KRI1: variants seen among roughly 807,000 people sequenced by gnomAD.
The protein encoded by KRI1 is protein KRI1 homolog.
In KRI1, 83 loss-of-function variants were observed where a neutral mutation model predicts 97.0. The ratio of observed to expected loss-of-function variants is 0.86; its 90% CI spans 0.72 to 1.03. The LOEUF is 1.03. Ranked by LOEUF, KRI1 falls within the 50% of genes least tolerant of loss-of-function variation. The pLI, the probability that KRI1 is intolerant of heterozygous loss-of-function variation, is 0.00. For synonymous variants in KRI1, 371 were observed against 363.5 expected (o/e 1.02, Z -0.23); for missense variants, 916 against 928.4 (o/e 0.99, Z 0.17).
rs775357730 is a variant in KRI1, at chr19:10,561,197, T to C, written c.557A>G (p.Gln186Arg). 6.2e-7 allele frequency: 1 copy of C among 1,614,144 alleles called. No homozygotes were observed. The highest frequency in any genetic ancestry group is 1.7e-5 in the Admixed American group (1 of 60,004). ...GAGEGGSSLL[Q>R]KRAKTRQEKA... ...CTCCTGCCTGGTTTTGGCACGTTTC[T>C]GCAGCAAACTGGAGCCGCCCTCCCC... is the stretch of plus-strand genomic sequence containing the variant. The change falls in exon 7 of 19, where the codon CAG becomes CGG. Residue 186 changes from glutamine to arginine, a missense_variant. By Grantham distance (43) the Gln-to-Arg change is conservative (BLOSUM62 1). Coordinates refer to ENST00000312962, the MANE Select transcript of KRI1 (RefSeq NM_023008.5).
chr19:10,563,355 CATT>C (rs1214961950), intron 3 of KRI1, among the ~76,000 whole-genome samples: 1 of 150,740 alleles, frequency 6.6e-6, no homozygotes, highest in Admixed American at 6.6e-5. Flanking sequence ...CGCACCCGGC[CATT>C]ATTATTATTT....
At position 10,559,450 on chromosome 19, in the gene KRI1, A is replaced by G; in HGVS notation, c.1103T>C (p.Leu368Pro). ...RKEILAKLEK[L>P]RKVTGNEMLG... is the part of the protein sequence containing the mutation. ...CATCTCGTTGCCTGTTACTTTCCGC[A>G]GCTTCTCCAGCTTGGCCAGAATCTC... The change falls in exon 12 of 19, where the codon CTG becomes CCG. Residue 368 changes from leucine to proline, a missense_variant. Transcript: ENST00000312962. 1 of 1,614,038 alleles carries G rather than the reference A, an allele frequency of 6.2e-7. No individual in the cohort carries two copies. The highest frequency in any genetic ancestry group is 8.5e-7 in the Non-Finnish European group (1 of 1,180,020).
In KRI1 at chr19:10,559,879, C is replaced by T. The variant is rs747892340; in HGVS notation, c.858G>A (p.Leu286=). 4 of 1,613,676 alleles carry T rather than the reference C, an allele frequency of 2.5e-6. No individual in the cohort carries two copies. The South Asian group carries it at 3.3e-5, about 13-fold the overall frequency. Residue 286 remains leucine, a synonymous_variant, in exon 10 of 19, where the codon CTG becomes CTA. Coordinates refer to ENST00000312962, the MANE Select transcript of KRI1 (RefSeq NM_023008.5). The stretch of plus-strand genomic sequence containing the variant: ...CAAAGTCCTCCTGTTTCTTCAGAAA[C>T]AGCTCCCCTTCGTCTGAGGAGTCGT... ...AVDDSSDEGE[L]FLKKQEDFEQ...
chr19:10,557,427 TGAA>T lies in KRI1; in HGVS notation c.1617+122_1617+124del, dbSNP rs1163768414. On this transcript the variant is annotated intron_variant, in intron 16 of 18. Coordinates refer to ENST00000312962, the MANE Select transcript of KRI1 (RefSeq NM_023008.5). ...CAACCGAATATTATCATTTTCAAGATGAAGAAACAGCCTGCCATGTTGTGGCAT... is the reference window on the plus strand; with the variant it reads ...CAACCGAATATTATCATTTTCAAGATGAAACAGCCTGCCATGTTGTGGCAT... 3.2e-5 allele frequency: 35 copies of T among 1,109,958 alleles called. No individual in the cohort carries two copies. In the East Asian group the frequency reaches 7.9e-4, roughly 25 times the overall value. The allele number at this position is 1,109,958 out of a possible 1,614,324, so 68.8% of individuals were successfully genotyped here.
intron 4 of KRI1, among the ~76,000 whole-genome samples, chr19:10,562,504 A>G (rs998267602): frequency 6.6e-6 from 1 of 151,122 alleles, no homozygotes; most frequent in Non-Finnish European, 1.5e-5. Context: ...ATGCCCAGCT[A>G]ATTTTTAATT....
At chr19:10,562,571 G>T (rs923601889) in intron 4 of KRI1, among the ~76,000 whole-genome samples, 158 bp downstream of exon 4, 4 of 151,766 alleles carry the variant, frequency 2.6e-5, no homozygotes, top group African/African-American at 9.7e-5. Context: ...GTCCTCAAGC[G>T]ATCCTATTGC....
rs777849404 is a variant in KRI1, at chr19:10,559,335, G to T, written c.1194+24C>A. 6 of 1,606,220 alleles carry T rather than the reference G, an allele frequency of 3.7e-6. No homozygotes were observed. In the African/African-American group the frequency reaches 4.0e-5, roughly 11 times the overall value. On this transcript the variant is annotated intron_variant, in intron 12 of 18. Coordinates refer to ENST00000312962, the MANE Select transcript of KRI1 (RefSeq NM_023008.5). ...CATGTTTGTGTGAACTCAGCGTCAT[G>T]TTGGGCCGGGATGAGGGCCGCACCT... is the stretch of plus-strand genomic sequence containing the variant.
chr19:10,565,871 G>T, intron 1 of KRI1, 35 bp downstream of exon 1: 1 of 1,533,782 alleles, frequency 6.5e-7, no homozygotes, highest in Non-Finnish European at 8.8e-7. Flanking sequence ...CGGCCGGCGC[G>T]CGCAGGCTCC....
At chr19:10,555,399 G>A (rs753511855) in intron 16 of KRI1, 50 bp from the exon 17 acceptor site, 3 of 1,597,626 alleles carry the variant, frequency 1.9e-6, no homozygotes, top group African/African-American at 1.3e-5. Context: ...CCCAGGCGGG[G>A]CCTTCCCTGA....
intron 16 of KRI1, among the ~76,000 whole-genome samples, chr19:10,556,639 C>A (rs1357919378): frequency 1.3e-5 from 2 of 151,654 alleles, no homozygotes; most frequent in Non-Finnish European, 1.5e-5. Flanking sequence ...CGCATGCCGG[C>A]CTGGGTGACA....
intron 13 of KRI1, 43 bp from the exon 14 acceptor site, chr19:10,558,103 T>G: frequency 6.2e-7 from 1 of 1,612,958 alleles, no homozygotes; most frequent in Non-Finnish European, 8.5e-7. Context: ...GGGTGGGACC[T>G]TGGGCTTCAG....
In KRI1 at chr19:10,561,033, C is replaced by T. The variant is rs1470730653; in HGVS notation, c.633G>A (p.Glu211=). The change falls in exon 8 of 19, where the codon GAG becomes GAA. Residue 211 remains glutamate, a synonymous_variant. Coordinates refer to ENST00000312962, the MANE Select transcript of KRI1 (RefSeq NM_023008.5). ...DYIEWLKGQK[E]IRNPDSLKEL... Reference sequence around the variant, plus strand: ...CCTTCAGGGAATCTGGGTTCCGAATCTCTTTCTGTCCCTTCAGCCACTCGA... The same window carrying T: ...CCTTCAGGGAATCTGGGTTCCGAATTTCTTTCTGTCCCTTCAGCCACTCGA... 1 of 1,614,096 alleles carries T rather than the reference C, an allele frequency of 6.2e-7. No homozygotes were observed. The highest frequency in any genetic ancestry group is 8.5e-7 in the Non-Finnish European group (1 of 1,180,050).
chr19:10,557,517 C>A, intron 16 of KRI1, 35 bp downstream of exon 16: 1 of 1,604,070 alleles, frequency 6.2e-7, no homozygotes, highest in Non-Finnish European at 8.5e-7. Flanking sequence ...TACCTGGTGC[C>A]CCCTGCAGTG....
At chr19:10,559,551 G>C in intron 11 of KRI1, 22 bp from the exon 12 acceptor site, 1 of 1,613,822 alleles carries the variant, frequency 6.2e-7, no homozygotes, top group Non-Finnish European at 8.5e-7. Flanking sequence ...GGCAGAGAGG[G>C]GGAGGGCATG....
Position 10,565,986 on chromosome 19 carries a change from C to T in KRI1, c.14G>A (p.Arg5His). 6.6e-7 allele frequency: 1 copy of T among 1,522,528 alleles called. No homozygotes were observed. The allele number at this position is 1,522,528 out of a possible 1,614,324, so 94.3% of individuals were successfully genotyped here. The change falls in exon 1 of 19, where the codon CGC becomes CAC. Residue 5 changes from arginine (R) to histidine (H), a missense_variant. Transcript: ENST00000312962. MPEP[R>H]GSSQLRVNAA... ...GTTCACCCGCAGCTGCGACGACCCG[C>T]GCGGTTCCGGCATGGCGGTTCTGTG...
rs891178440 is a variant in KRI1 at position 10,553,304 on chromosome 19, C to T, written c.*647G>A. The T allele has an allele frequency of 1.9e-6, 1 of 520,734 alleles. No individual in the cohort carries two copies. Among genetic ancestry groups the T allele is most frequent in the Non-Finnish European group, 3.4e-6 (1 of 296,512 alleles). The allele number at this position is 520,734 out of a possible 1,614,324, so 32.3% of individuals were successfully genotyped here. On this transcript the variant is annotated 3_prime_UTR_variant, in exon 19 of 19. Transcript: ENST00000312962. ...AGGGAAGGAGGACCCCGGGCACCCC[C>T]CTCAGGGCCTGACTCACGTACTGTA...
rs1568419942 is a variant in KRI1 at position 10,553,971 on chromosome 19, CCT to C, written c.2090_2091del (p.Gln697ArgfsTer48). ...RQLGRQRRKQ[Q>X]GPKNSS ...GGTGCTCAGGAGCTGTTCTTGGGCC[CCT>C]GTTGTTTCCTCCGCTGCCGGCCCAG... On this transcript the variant is annotated frameshift_variant, in exon 19 of 19. Coordinates refer to ENST00000312962, the MANE Select transcript of KRI1 (RefSeq NM_023008.5). LOFTEE classifies it high-confidence loss of function. 1.2e-6 allele frequency: 2 copies of C among 1,608,366 alleles called. No individual in the cohort carries two copies. Among genetic ancestry groups the C allele is most frequent in the South Asian group, 1.1e-5 (1 of 90,432 alleles).
chr19:10,561,091 G>C lies in KRI1; in HGVS notation c.586-11C>G. ...GGCCTCCTCCTGGGCCTGGGGGAAA[G>C]CTAGCACTGAGCATCCGCAGATGCC... On this transcript the variant is annotated splice_polypyrimidine_tract_variant and intron_variant, in intron 7 of 18. Transcript: ENST00000312962. 1 of 1,614,010 alleles carries C rather than the reference G, an allele frequency of 6.2e-7. No homozygotes were observed. Among genetic ancestry groups the C allele is most frequent in the Non-Finnish European group, 8.5e-7 (1 of 1,179,878 alleles).
intron 3 of KRI1, among the ~76,000 whole-genome samples, chr19:10,563,411 A>AT (rs34259007): frequency 0.67 from 100,835 of 150,774 alleles, 34,263 homozygotes; most frequent in East Asian, 0.95. Flanking sequence ...GCATGGCGTG[A>AT]CTTGGCTTAC....
Sources: allele counts gnomAD v4.1 joint callset (sites outside exome capture counted in the v4.1 genomes callset), GRCh38; gene constraint gnomAD v4.1.1; transcripts MANE v1.5; gene names NCBI Gene and HGNC (gene_info 2026-07-23, HGNC 2026-07-21).